COL23A1: variants seen among roughly 807,000 people sequenced by gnomAD.
COL23A1 encodes collagen type XXIII alpha 1 chain, also known as collagen alpha-1(XXIII) chain.
COL23A1 carries 97 observed loss-of-function variants against 99.3 expected under a neutral mutation model. The observed-to-expected ratio is 0.98, with a 90% confidence interval of 0.83 to 1.16. The LOEUF (loss-of-function observed/expected upper bound fraction) is 1.16, where lower values mean the gene tolerates loss of function less well. COL23A1 is among the 50% of genes most tolerant of loss of function. COL23A1 has a pLI of 0.00. For missense variants in COL23A1, 762 were observed against 757.4 expected (o/e 1.01, Z -0.07); for synonymous variants, 320 against 308.2 (o/e 1.04, Z -0.40).
At chr5:178,247,461 C>A in intron 22 of COL23A1, 65 bp downstream of exon 22, 1 of 1,590,184 alleles carries the variant, frequency 6.3e-7, no homozygotes, top group Non-Finnish European at 8.6e-7. Flanking sequence ...TGCCCATTGG[C>A]AAGGCTCTTG....
At chr5:178,521,414 G>A (rs988831487) in intron 2 of COL23A1, among the ~76,000 whole-genome samples, 14 of 152,094 alleles carry the variant, frequency 9.2e-5, no homozygotes, top group African/African-American at 2.9e-4. Flanking sequence ...TTAGCCGGGC[G>A]TGGTGGCAGG....
chr5:178,497,084 T>C (rs774046622), intron 2 of COL23A1, among the ~76,000 whole-genome samples: 2 of 152,188 alleles, frequency 1.3e-5, no homozygotes, highest in Non-Finnish European at 2.9e-5. Context: ...TCTGGTATAA[T>C]GGCTGTCACG....
chr5:178,444,582 A>C (rs1053118895), intron 2 of COL23A1, among the ~76,000 whole-genome samples: 1 of 152,090 alleles, frequency 6.6e-6, no homozygotes, highest in African/African-American at 2.4e-5. Flanking sequence ...ATCATCTGAG[A>C]TCAGGAGTTC....
At position 178,349,113 on chromosome 5, in the gene COL23A1, G is replaced by C. The variant is rs58805296; in HGVS notation, c.362-42194C>G. On this transcript the variant is annotated intron_variant, in intron 2 of 28. Coordinates refer to ENST00000390654, the MANE Select transcript of COL23A1 (RefSeq NM_173465.4). ...GGGCTTACCAAATTCTCAGCACAGCGAGAACTCGGATGATTGATGCGGAGA... is the reference window on the plus strand; with the variant it reads ...GGGCTTACCAAATTCTCAGCACAGCCAGAACTCGGATGATTGATGCGGAGA... 2.6e-5 allele frequency among the ~76,000 whole-genome samples: 4 copies of C among 152,314 alleles called. No individual in the cohort carries two copies. The East Asian group carries it at 7.7e-4, about 29-fold the overall frequency.
intron 3 of COL23A1, among the ~76,000 whole-genome samples, chr5:178,295,551 TC>T (rs1757694743): frequency 1.3e-5 from 2 of 152,232 alleles, no homozygotes; most frequent in Admixed American, 1.3e-4. Flanking sequence ...TGGAACCTTC[TC>T]TCTAGAGAGT....
At chr5:178,315,819 T>C (rs1283783793) in intron 2 of COL23A1, among the ~76,000 whole-genome samples, 20 of 150,712 alleles carry the variant, frequency 1.3e-4, no homozygotes, top group East Asian at 9.7e-4. Context: ...AGTCATGGTA[T>C]CCTCCAGAGA....
At chr5:178,534,403 G>A (rs866437743) in intron 2 of COL23A1, among the ~76,000 whole-genome samples, 1 of 152,110 alleles carries the variant, frequency 6.6e-6, no homozygotes, top group African/African-American at 2.4e-5. Context: ...GTACGAATTC[G>A]CAGGGACATA....
chr5:178,296,478 C>T lies in COL23A1; in HGVS notation c.407-6109G>A, dbSNP rs573038786. On this transcript the variant is annotated intron_variant, in intron 3 of 28. Transcript: ENST00000390654. The stretch of plus-strand genomic sequence containing the variant: ...AGAGAGAGGTGAGATACGCACTTCA[C>T]GACCCCCGCGGATCCCACGCAGGGG... Among the ~76,000 whole-genome samples the T allele has an allele frequency of 4.6e-5, 7 of 152,306 alleles. No individual in the cohort carries two copies. The South Asian group carries it at 8.3e-4, about 18-fold the overall frequency.
At chr5:178,498,941 T>A (rs1019463419) in intron 2 of COL23A1, among the ~76,000 whole-genome samples, 2 of 147,684 alleles carry the variant, frequency 1.4e-5, no homozygotes, top group African/African-American at 5.1e-5. Flanking sequence ...AAAAAAAAAA[T>A]TAATCAGACA....
In COL23A1 at chr5:178,440,908, T is replaced by C. The variant is rs998637697; in HGVS notation, c.361+119774A>G. 2.6e-5 allele frequency among the ~76,000 whole-genome samples: 4 copies of C among 152,334 alleles called. No homozygotes were observed. The East Asian group carries it at 7.7e-4, about 29-fold the overall frequency. Reference sequence around the variant, plus strand: ...TAGGGATTACATGCATGAGCCACCATGCCCGGCCTACTGTTTCATCTTTCT... The same window carrying C: ...TAGGGATTACATGCATGAGCCACCACGCCCGGCCTACTGTTTCATCTTTCT... On this transcript the variant is annotated intron_variant, in intron 2 of 28. Coordinates refer to ENST00000390654, the MANE Select transcript of COL23A1 (RefSeq NM_173465.4).
Position 178,280,017 on chromosome 5 carries a change from G to A in COL23A1, c.441+8307C>T, listed in dbSNP as rs972611944. ...TTCCTGCTACCGTATCCCAAATGCC[G>A]AAGCGCCTCGTACATAACGAGAACA... is the stretch of plus-strand genomic sequence containing the variant. On this transcript the variant is annotated intron_variant, in intron 5 of 28. Coordinates refer to ENST00000390654, the MANE Select transcript of COL23A1 (RefSeq NM_173465.4). This position sits in a 1 kb window ranked among gnomAD's most constrained non-coding sequence, Gnocchi z 4.9. 7.9e-5 allele frequency among the ~76,000 whole-genome samples: 12 copies of A among 152,242 alleles called. No homozygotes were observed. The highest frequency in any genetic ancestry group is 2.7e-4 in the African/African-American group (11 of 41,458).
At chr5:178,374,090 A>G (rs1199725490) in intron 2 of COL23A1, among the ~76,000 whole-genome samples, 1 of 152,198 alleles carries the variant, frequency 6.6e-6, no homozygotes, top group Non-Finnish European at 1.5e-5. Context: ...CAAGGGTACA[A>G]TTCTCAGCAC....
chr5:178,356,033 G>A (rs1248431683), intron 2 of COL23A1, among the ~76,000 whole-genome samples: 1 of 152,216 alleles, frequency 6.6e-6, no homozygotes, highest in African/African-American at 2.4e-5. Context: ...AAGATTTCTT[G>A]AAGTATAAAA....
intron 27 of COL23A1, among the ~76,000 whole-genome samples, chr5:178,241,544 C>T (rs1764399789): frequency 6.6e-6 from 1 of 152,188 alleles, no homozygotes; most frequent in African/African-American, 2.4e-5. Context: ...ACTTCCACCC[C>T]AGGCAGCCAG....
At chr5:178,414,736 C>T (rs1765218458) in intron 2 of COL23A1, among the ~76,000 whole-genome samples, 1 of 152,210 alleles carries the variant, frequency 6.6e-6, no homozygotes, top group African/African-American at 2.4e-5. Flanking sequence ...GACACTACTA[C>T]ACTCCAGCAT....
intron 2 of COL23A1, among the ~76,000 whole-genome samples, chr5:178,311,484 C>CTGTGTGTGTGTGTGTGTGTG: frequency 1.7e-5 from 1 of 58,192 alleles, no homozygotes; most frequent in African/African-American, 6.0e-5. Flanking sequence ...GTTCTTTCCT[C>CTGTGTGTGTGTGTGTGTGTG]TGTGTGTGTG....
At chr5:178,397,767 T>C (rs1211303428) in intron 2 of COL23A1, among the ~76,000 whole-genome samples, 3 of 152,102 alleles carry the variant, frequency 2.0e-5, no homozygotes, top group Non-Finnish European at 4.4e-5. Flanking sequence ...GGAGAGCAGA[T>C]CACGAGGTCA....
At chr5:178,523,715 T>G (rs1053435725) in intron 2 of COL23A1, 1 of 152,162 alleles carries the variant, frequency 6.6e-6, no homozygotes, top group Non-Finnish European at 1.5e-5. Context: ...CTGCACACTC[T>G]GAAAAAAATT....
At chr5:178,422,955 T>C (rs959791954) in intron 2 of COL23A1, among the ~76,000 whole-genome samples, 3 of 152,060 alleles carry the variant, frequency 2.0e-5, no homozygotes, top group Non-Finnish European at 4.4e-5. Flanking sequence ...GTTTGAATTT[T>C]GAAGTTTATT....
Sources: gnomAD v4.1 joint callset for allele counts (sites outside exome capture counted in the v4.1 genomes callset) on GRCh38, gnomAD v4.1.1 for gene constraint, Gnocchi (gnomAD v3.1) non-coding constraint, MANE v1.5 for transcripts, NCBI Gene and HGNC (gene_info 2026-07-23, HGNC 2026-07-21) for gene names.